DPH6: variants seen among roughly 807,000 people sequenced by gnomAD.
The protein encoded by DPH6 is diphthamine biosynthesis 6, also known as diphthine--ammonia ligase.
A neutral mutation model predicts 38.2 loss-of-function variants in DPH6; 33 were observed. The ratio of observed to expected loss-of-function variants is 0.86; its 90% CI spans 0.65 to 1.15. DPH6 has a LOEUF of 1.15. Among genes scored for constraint, DPH6 ranks in the 50% most tolerant of loss-of-function variants. The probability of loss-of-function intolerance (pLI) is 0.00; values close to 1 mark genes in which losing one functional copy is unlikely to be tolerated. For missense variants in DPH6, 325 were observed against 320.0 expected (o/e 1.02, Z -0.12); for synonymous variants, 108 against 103.0 (o/e 1.05, Z -0.30).
At chr15:35,213,130 G>T (rs1286911111), downstream of DPH6, among the ~76,000 whole-genome samples, 1 of 152,158 alleles carries the variant, frequency 6.6e-6, no homozygotes, top group Non-Finnish European at 1.5e-5. Flanking sequence ...ATCTGTCTGA[G>T]GTAAGGCCTG....
Position 35,450,788 on chromosome 15 carries a change from A to AT in DPH6, c.401dup (p.Asn134LysfsTer24), listed in dbSNP as rs764831557. The AT allele has an allele frequency of 2.5e-6, 4 of 1,608,638 alleles. No individual in the cohort carries two copies. The South Asian group carries it at 3.3e-5, about 13-fold the overall frequency. The stretch of plus-strand genomic sequence containing the variant: ...GCCAAAGATAAGCTAAAGGCTGGAG[A>AT]TTAAGCCTTTTACACCTACAAAAGA... On this transcript the variant is annotated frameshift_variant, in exon 5 of 9. Coordinates refer to ENST00000256538, the MANE Select transcript of DPH6 (RefSeq NM_080650.4). LOFTEE classifies it high-confidence loss of function.
chr15:35,234,854 G>A (rs1264531095), intron 3 of DPH6, among the ~76,000 whole-genome samples: 1 of 152,224 alleles, frequency 6.6e-6, no homozygotes, highest in African/African-American at 2.4e-5. Flanking sequence ...TTATGGCAAT[G>A]AGGAGAGAAA....
chr15:35,257,772 T>TTGTGTGTG (rs60955022), intron 3 of DPH6, among the ~76,000 whole-genome samples: 3,048 of 148,408 alleles, frequency 0.021, 46 homozygotes, highest in African/African-American at 0.034. Context: ...GGTCTCAGCT[T>TTGTGTGTG]TGTGTGTGTG....
intron 3 of DPH6, among the ~76,000 whole-genome samples, chr15:35,286,413 G>A (rs970205515): frequency 2.6e-5 from 4 of 152,202 alleles, no homozygotes; most frequent in Non-Finnish European, 5.9e-5. Flanking sequence ...ATCATTGATT[G>A]GGCCTTCTCT....
At chr15:35,524,090 TA>T (rs1438369886) in intron 3 of DPH6, among the ~76,000 whole-genome samples, 1 of 151,924 alleles carries the variant, frequency 6.6e-6, no homozygotes, top group East Asian at 1.9e-4. Flanking sequence ...TTTTTTTTTT[TA>T]CATTTCCAAC....
At chr15:35,347,634 T>C (rs1293164857) in intron 3 of DPH6, among the ~76,000 whole-genome samples, 4 of 108,010 alleles carry the variant, frequency 3.7e-5, no homozygotes, top group Admixed American at 1.9e-4. Context: ...TTCAATTCTT[T>C]TGGATACATA....
At chr15:35,394,195 A>G (rs1015700359) in intron 6 of DPH6, among the ~76,000 whole-genome samples, 2 of 151,998 alleles carry the variant, frequency 1.3e-5, no homozygotes, top group Non-Finnish European at 2.9e-5. Context: ...TTCAAACATC[A>G]CCTTTATGCT....
rs553472677 is a variant in DPH6 at position 35,500,998 on chromosome 15, C to T, written c.312+37276G>A. On this transcript the variant is annotated intron_variant, in intron 3 of 8. Coordinates refer to ENST00000256538, the MANE Select transcript of DPH6 (RefSeq NM_080650.4). ...TCAGATGATCTACCCACCTCAGCCT[C>T]CCAAAGTGCTGGGACTACAGGCGTG... 4.6e-5 allele frequency among the ~76,000 whole-genome samples: 7 copies of T among 152,232 alleles called. No homozygotes were observed. The South Asian group carries it at 8.3e-4, about 18-fold the overall frequency.
At chr15:35,500,767 T>TTTG (rs768374774) in intron 3 of DPH6, among the ~76,000 whole-genome samples, 33 of 152,116 alleles carry the variant, frequency 2.2e-4, no homozygotes, top group African/African-American at 6.0e-4. Flanking sequence ...ATTATTCTGT[T>TTTG]TTGTTGTTGT....
chr15:35,252,693 T>C (rs1332149291), intron 3 of DPH6, among the ~76,000 whole-genome samples: 1 of 152,282 alleles, frequency 6.6e-6, no homozygotes, highest in African/African-American at 2.4e-5. Flanking sequence ...GTCTATGGTC[T>C]TGCCTAAGGG....
intron 3 of DPH6, among the ~76,000 whole-genome samples, chr15:35,238,773 T>G (rs184777315): frequency 4.1e-4 from 63 of 152,152 alleles, no homozygotes; most frequent in African/African-American, 1.3e-3. Context: ...ACCATTGTGA[T>G]GTGTTCCTGC....
chr15:35,292,457 G>T (rs1027339099), intron 3 of DPH6, among the ~76,000 whole-genome samples: 1 of 152,108 alleles, frequency 6.6e-6, no homozygotes, highest in Non-Finnish European at 1.5e-5. Flanking sequence ...ACCTTGATAT[G>T]AGAATATTTG....
intron 3 of DPH6, among the ~76,000 whole-genome samples, chr15:35,463,281 T>C (rs939728675): frequency 2.0e-5 from 3 of 152,166 alleles, no homozygotes; most frequent in Non-Finnish European, 4.4e-5. Context: ...GTAGTATGTA[T>C]CATGAACCTT....
At chr15:35,437,642 T>C (rs950292691) in intron 5 of DPH6, among the ~76,000 whole-genome samples, 1 of 152,204 alleles carries the variant, frequency 6.6e-6, no homozygotes, top group African/African-American at 2.4e-5. Context: ...GCCAAACTGG[T>C]GTGCTCTGCA....
chr15:35,359,519 A>G (rs905730542), intron 3 of DPH6, among the ~76,000 whole-genome samples: 2 of 152,194 alleles, frequency 1.3e-5, no homozygotes, highest in African/African-American at 2.4e-5. Context: ...ATGGCCTGCT[A>G]GAGGACCCAG....
At chr15:35,407,268 G>C (rs2053306922) in intron 6 of DPH6, among the ~76,000 whole-genome samples, 1 of 151,754 alleles carries the variant, frequency 6.6e-6, no homozygotes, top group South Asian at 2.1e-4. Context: ...TTTTAAAGAA[G>C]GTTTCCAGTG....
At chr15:35,403,596 G>A (rs181036751) in intron 6 of DPH6, among the ~76,000 whole-genome samples, 9 of 151,858 alleles carry the variant, frequency 5.9e-5, no homozygotes, top group Admixed American at 2.0e-4. Context: ...TGGCAGCCTC[G>A]ACTTCCTGGA....
chr15:35,196,186 G>A, the DPH6 span, among the ~76,000 whole-genome samples: 1 of 152,108 alleles, frequency 6.6e-6, no homozygotes, highest in Non-Finnish European at 1.5e-5. Context: ...CAGTTCTCAG[G>A]TATTAATGAT....
chr15:35,309,259 A>G (rs979283832), intron 3 of DPH6, among the ~76,000 whole-genome samples: 1 of 152,380 alleles, frequency 6.6e-6, no homozygotes, highest in Admixed American at 6.5e-5. Flanking sequence ...GTTTTTAGAC[A>G]TAATTTTCTC....
Sources: allele counts gnomAD v4.1 joint callset (sites outside exome capture counted in the v4.1 genomes callset), GRCh38; gene constraint gnomAD v4.1.1; transcripts MANE v1.5; gene names NCBI Gene and HGNC (gene_info 2026-07-23, HGNC 2026-07-21).